Variants in IL1RAPL2 observed in about 807,000 individuals in gnomAD.
IL1RAPL2 encodes X-linked interleukin-1 receptor accessory protein-like 2.
Under a neutral mutation model 44.1 loss-of-function variants are expected in IL1RAPL2, and 3 were observed. That is an observed-to-expected ratio of 0.07 (90% CI 0.03 to 0.18). The LOEUF is 0.18. IL1RAPL2 is among the 10% of genes least tolerant of loss of function. The pLI, the probability that IL1RAPL2 is intolerant of heterozygous loss-of-function variation, is 1.00. For synonymous variants in IL1RAPL2, 181 were observed against 178.8 expected, an observed-to-expected ratio of 1.01 and a Z score of -0.10; for missense variants, 391 against 496.4, an observed-to-expected ratio of 0.79 and a Z score of 2.02.
intron 2 of IL1RAPL2, among the ~76,000 whole-genome samples, chrX:104,826,860 T>G (rs1296901171): frequency 9.1e-6 from 1 of 109,470 alleles, no homozygotes; most frequent in African/African-American, 3.3e-5. Context: ...TTTACCATTA[T>G]GGAATGCCTT....
intron 6 of IL1RAPL2, among the ~76,000 whole-genome samples, chrX:105,579,973 A>G (rs2037077131): frequency 8.9e-6 from 1 of 111,871 alleles, no homozygotes; most frequent in Non-Finnish European, 1.9e-5. Flanking sequence ...CTTACCATGC[A>G]CACCAATGAA....
intron 2 of IL1RAPL2, among the ~76,000 whole-genome samples, chrX:105,077,060 T>C (rs1386178613): frequency 2.7e-5 from 3 of 111,227 alleles, no homozygotes; most frequent in Non-Finnish European, 5.7e-5. Context: ...GTTAATATTG[T>C]TATGTGTGAA....
chrX:105,424,744 A>ACCC lies in IL1RAPL2; in HGVS notation c.698-59569_698-59568insCCC, dbSNP rs1338088982. On this transcript the variant is annotated intron_variant, in intron 5 of 10. Coordinates refer to ENST00000372582, the MANE Select transcript of IL1RAPL2 (RefSeq NM_017416.2). ...CAGCCTGGGTGACAAGAGTGAAACTATGTCTCAAAAAAATAAATGAATAAA... is the reference window on the plus strand; with the variant it reads ...CAGCCTGGGTGACAAGAGTGAAACTACCCTGTCTCAAAAAAATAAATGAATAAA... 5.5e-5 allele frequency among the ~76,000 whole-genome samples: 6 copies of ACCC among 109,177 alleles called. No individual in the cohort carries two copies. In the East Asian group the frequency reaches 1.7e-3, roughly 32 times the overall value. 94.8% of individuals were successfully genotyped at this position (109,177 alleles called of 115,157 possible). A position where few individuals can be genotyped will look rare whatever the true frequency, so the allele number is the denominator to read the frequency against.
intron 5 of IL1RAPL2, among the ~76,000 whole-genome samples, chrX:105,291,293 C>G (rs1402946239): frequency 3.6e-5 from 4 of 111,458 alleles, no homozygotes. Flanking sequence ...TGTTAATCAA[C>G]TATTTGAGAG....
chrX:105,431,016 T>TGAGCAAACTC (rs1450967761), intron 5 of IL1RAPL2, among the ~76,000 whole-genome samples: 1 of 112,301 alleles, frequency 8.9e-6, no homozygotes, highest in Non-Finnish European at 1.9e-5. Flanking sequence ...CATGAAGTCA[T>TGAGCAAACTC]ATGCTAGCTA....
intron 1 of IL1RAPL2, among the ~76,000 whole-genome samples, chrX:104,655,074 C>T (rs1930229014): frequency 9.0e-6 from 1 of 111,538 alleles, no homozygotes; most frequent in African/African-American, 3.3e-5. Context: ...AGATTTTGGG[C>T]TGAGATGATG....
chrX:104,889,505 G>A (rs1923353323), intron 2 of IL1RAPL2, among the ~76,000 whole-genome samples: 2 of 111,496 alleles, frequency 1.8e-5, no homozygotes, highest in Non-Finnish European at 3.8e-5. Flanking sequence ...GTGGAACATC[G>A]ACCTATATCT....
intron 6 of IL1RAPL2, among the ~76,000 whole-genome samples, chrX:105,512,610 T>A (rs2036478545): frequency 1.8e-5 from 2 of 111,475 alleles, no homozygotes. Context: ...AAAGAAAAAA[T>A]TCATGAGATG....
intron 6 of IL1RAPL2, among the ~76,000 whole-genome samples, chrX:105,553,026 TAAG>T (rs1174990691): frequency 8.9e-5 from 10 of 112,120 alleles, no homozygotes; most frequent in Non-Finnish European, 1.7e-4. Context: ...AAAAAAATTG[TAAG>T]AAGAAGTTTT....
chrX:105,263,837 A>T (rs907725399), intron 4 of IL1RAPL2, among the ~76,000 whole-genome samples: 1 of 111,304 alleles, frequency 9.0e-6, no homozygotes, highest in Non-Finnish European at 1.9e-5. Flanking sequence ...AAAATTTTCA[A>T]GTTGTTCAGG....
chrX:105,108,626 C>A (rs1481951810), intron 2 of IL1RAPL2, among the ~76,000 whole-genome samples: 2 of 98,515 alleles, frequency 2.0e-5, no homozygotes, highest in African/African-American at 3.4e-5. Context: ...CAGGCATGAG[C>A]CATGGCAACC....
intron 2 of IL1RAPL2, among the ~76,000 whole-genome samples, chrX:104,900,647 A>G (rs1343481733): frequency 1.8e-5 from 2 of 112,439 alleles, no homozygotes; most frequent in African/African-American, 3.2e-5. Flanking sequence ...TCTTGGAATA[A>G]AAGGCTACGT....
chrX:105,112,593 G>A (rs967268762), intron 2 of IL1RAPL2, among the ~76,000 whole-genome samples: 3 of 112,533 alleles, frequency 2.7e-5, no homozygotes, highest in Non-Finnish European at 5.6e-5. Flanking sequence ...GAAATGTAAG[G>A]TGTGTGGTCT....
intron 3 of IL1RAPL2, among the ~76,000 whole-genome samples, chrX:105,209,676 T>G (rs1007589149): frequency 2.7e-5 from 3 of 112,041 alleles, no homozygotes; most frequent in Admixed American, 1.9e-4. Flanking sequence ...GTGATGGAAG[T>G]AGAATTAATT....
chrX:104,574,404 A>C (rs1928206555), intron 1 of IL1RAPL2, among the ~76,000 whole-genome samples: 1 of 112,121 alleles, frequency 8.9e-6, no homozygotes, highest in South Asian at 3.7e-4. Context: ...AGAAGGCTTC[A>C]AAACCAACAT....
At chrX:105,565,178 T>A (rs941821516) in intron 6 of IL1RAPL2, among the ~76,000 whole-genome samples, 1 of 111,862 alleles carries the variant, frequency 8.9e-6, no homozygotes, top group African/African-American at 3.3e-5. Context: ...TTGGGAAAAT[T>A]GGTGTTTTAA....
At chrX:105,137,970 G>A (rs1367376935) in intron 2 of IL1RAPL2, among the ~76,000 whole-genome samples, 1 of 111,974 alleles carries the variant, frequency 8.9e-6, no homozygotes, top group Admixed American at 9.4e-5. Flanking sequence ...CTACTCGGGA[G>A]GCTGAGGTGA....
At chrX:105,064,155 C>A (rs964043457) in intron 2 of IL1RAPL2, among the ~76,000 whole-genome samples, 5 of 112,374 alleles carry the variant, frequency 4.4e-5, no homozygotes, top group Admixed American at 3.8e-4. Context: ...AGGACTCAGG[C>A]AGGTCCAGAG....
chrX:105,503,218 A>G (rs1299403494), intron 6 of IL1RAPL2, among the ~76,000 whole-genome samples: 1 of 111,450 alleles, frequency 9.0e-6, no homozygotes, highest in Non-Finnish European at 1.9e-5. Flanking sequence ...ATTCTGGATC[A>G]ATTACTACTC....
Sources: allele counts gnomAD v4.1 joint callset (sites outside exome capture counted in the v4.1 genomes callset), GRCh38; gene constraint gnomAD v4.1.1; transcripts MANE v1.5; gene names NCBI Gene and HGNC (gene_info 2026-07-23, HGNC 2026-07-21).